Variants in TNRC6B observed in about 807,000 individuals in gnomAD.
TNRC6B encodes trinucleotide repeat-containing gene 6B protein.
TNRC6B carries 52 observed loss-of-function variants against 203.6 expected under a neutral mutation model. That is an observed-to-expected ratio of 0.26 (90% confidence interval 0.20 to 0.32). TNRC6B has a LOEUF of 0.32. Ranked by LOEUF, TNRC6B falls within the 10% of genes least tolerant of loss-of-function variation. TNRC6B has a pLI of 1.00. For synonymous variants in TNRC6B, 838 were observed against 845.7 expected (o/e 0.99, Z 0.16); for missense variants, 1,923 against 2,286.2 (o/e 0.84, Z 3.24).
chr22:40,103,220 C>T (rs1284696695), intron 1 of TNRC6B, among the ~76,000 whole-genome samples: 1 of 151,364 alleles, frequency 6.6e-6, no homozygotes, highest in African/African-American at 2.4e-5. Flanking sequence ...GTGAGCTCTG[C>T]TCGTGCCACT....
chr22:40,237,676 G>A (rs2069966197), intron 1 of TNRC6B, among the ~76,000 whole-genome samples: 1 of 152,008 alleles, frequency 6.6e-6, no homozygotes, highest in Non-Finnish European at 1.5e-5. Context: ...CCCATCTTAG[G>A]CCCTGGGACT....
chr22:40,050,480 C>T (rs1326050049), intron 1 of TNRC6B, among the ~76,000 whole-genome samples: 1 of 152,182 alleles, frequency 6.6e-6, no homozygotes, highest in East Asian at 1.9e-4. Flanking sequence ...CTGCACCACT[C>T]TCTTGGCTTG....
chr22:40,306,208 G>A (rs140919722), intron 15 of TNRC6B, among the ~76,000 whole-genome samples: 76 of 152,238 alleles, frequency 5.0e-4, no homozygotes, highest in African/African-American at 1.6e-3. Flanking sequence ...CAGGAAAATC[G>A]CTTGAACCCA....
intron 3 of TNRC6B, among the ~76,000 whole-genome samples, chr22:40,145,402 C>A (rs981631271): frequency 5.9e-5 from 9 of 152,084 alleles, no homozygotes; most frequent in Non-Finnish European, 1.0e-4. Context: ...AATATTGATT[C>A]TTTTATCCAC....
At chr22:40,075,811 TCTTTAA>T (rs1479825333) in intron 1 of TNRC6B, among the ~76,000 whole-genome samples, 1 of 152,232 alleles carries the variant, frequency 6.6e-6, no homozygotes, top group African/African-American at 2.4e-5. Context: ...AAAATATGCA[TCTTTAA>T]CTTATGCAGT....
chr22:40,055,770 T>C (rs1005561040), intron 1 of TNRC6B, among the ~76,000 whole-genome samples: 1 of 152,170 alleles, frequency 6.6e-6, no homozygotes, highest in Non-Finnish European at 1.5e-5. Context: ...GGAAGTGACT[T>C]CTAGATCACC....
chr22:40,234,355 C>T (rs1343475822), intron 1 of TNRC6B, among the ~76,000 whole-genome samples: 1 of 152,062 alleles, frequency 6.6e-6, no homozygotes, highest in Non-Finnish European at 1.5e-5. Flanking sequence ...AATAATGAGG[C>T]GAATGCTTGA....
chr22:40,321,366 C>G (rs2071331869), intron 22 of TNRC6B, 137 bp downstream of exon 22: 1 of 1,084,640 alleles, frequency 9.2e-7, no homozygotes, highest in Non-Finnish European at 1.3e-6. Context: ...CTGCAAGTCT[C>G]GAGTGTGGAG....
chr22:40,292,985 A>G (rs1357742551), intron 12 of TNRC6B, among the ~76,000 whole-genome samples: 1 of 152,060 alleles, frequency 6.6e-6, no homozygotes, highest in Non-Finnish European at 1.5e-5. Flanking sequence ...TATAGTATAG[A>G]GCCTCCTTCT....
At chr22:40,187,683 G>A (rs991463852) in intron 1 of TNRC6B, among the ~76,000 whole-genome samples, 1 of 152,106 alleles carries the variant, frequency 6.6e-6, no homozygotes, top group Admixed American at 6.5e-5. Context: ...GGTGCCACCA[G>A]GCTAATTATG....
intron 11 of TNRC6B, among the ~76,000 whole-genome samples, chr22:40,283,682 C>G (rs988246798): frequency 3.9e-5 from 6 of 152,024 alleles, no homozygotes; most frequent in Non-Finnish European, 4.4e-5. Context: ...TATCATAGTG[C>G]TTTGTGTGGC....
intron 1 of TNRC6B, among the ~76,000 whole-genome samples, chr22:40,061,231 T>G (rs1012661143): frequency 3.9e-5 from 6 of 152,200 alleles, no homozygotes; most frequent in Non-Finnish European, 8.8e-5. Flanking sequence ...TATTATTATT[T>G]GAGACGGAGT....
Position 40,278,025 on chromosome 22 carries a change from C to T in TNRC6B, c.3243C>T (p.Ser1081=), listed in dbSNP as rs940008328. 1.9e-6 allele frequency: 3 copies of T among 1,562,690 alleles called. No individual in the cohort carries two copies. The highest frequency in any genetic ancestry group is 2.6e-6 in the Non-Finnish European group (3 of 1,151,248). The change falls in exon 9 of 23, where the codon AGC becomes AGT. Residue 1081 remains serine, a synonymous_variant. Coordinates refer to ENST00000454349, the MANE Select transcript of TNRC6B (RefSeq NM_001162501.2). ...LLSQTEDNPS[S]KMDLSVGSLS... is the part of the protein sequence containing the mutation. ...GTCAGACTGAAGATAATCCAAGCAG[C>T]AAAATGGATTTGTCTGTAGGTGTGT...
chr22:40,265,923 A>G lies in TNRC6B; in HGVS notation c.1693A>G (p.Thr565Ala). 6.2e-7 allele frequency: 1 copy of G among 1,614,022 alleles called. No individual in the cohort carries two copies. The highest frequency in any genetic ancestry group is 2.2e-5 in the East Asian group (1 of 44,888). Reference protein sequence around the residue: ...APCWGRSSSSTGSEVGGQSTG... With the variant: ...APCWGRSSSSAGSEVGGQSTG... Reference sequence around the variant, plus strand: ...CTGTTGGGGAAGATCTTCCAGCTCCACAGGAAGTGAAGTTGGAGGTCAAAG... The same window carrying G: ...CTGTTGGGGAAGATCTTCCAGCTCCGCAGGAAGTGAAGTTGGAGGTCAAAG... Residue 565 changes from threonine to alanine, a missense_variant, in exon 5 of 23, where the codon ACA (threonine) becomes GCA (alanine). By Grantham distance (58) the Thr-to-Ala change is moderately conservative (BLOSUM62 0). Coordinates refer to ENST00000454349, the MANE Select transcript of TNRC6B (RefSeq NM_001162501.2).
chr22:40,225,662 G>C (rs140929456), intron 1 of TNRC6B, among the ~76,000 whole-genome samples: 90 of 141,096 alleles, frequency 6.4e-4, no homozygotes, highest in African/African-American at 2.2e-3. Context: ...AGAATCGCTT[G>C]AACTTGGGAG....
chr22:40,208,128 A>C lies in TNRC6B; in HGVS notation c.5+29988A>C, dbSNP rs552014625. On this transcript the variant is annotated intron_variant, in intron 1 of 22. Transcript: ENST00000454349. ...CTCCATCTCAAAAAAAAAAAAAAAA[A>C]AAAACAAAAAAACAAGAAAAAAACA... is the stretch of plus-strand genomic sequence containing the variant. Among the ~76,000 whole-genome samples, 76 of 107,300 alleles carry C rather than the reference A, an allele frequency of 7.1e-4. No individual in the cohort carries two copies. The South Asian group carries it at 0.013, about 19-fold the overall frequency. The allele number at this position is 107,300 out of a possible 152,430, so 70.4% of individuals were successfully genotyped here. A position where few individuals can be genotyped will look rare whatever the true frequency, so the allele number is the denominator to read the frequency against.
intron 1 of TNRC6B, among the ~76,000 whole-genome samples, chr22:40,222,622 A>C (rs1477628547): frequency 6.6e-6 from 1 of 151,338 alleles, no homozygotes; most frequent in Admixed American, 6.6e-5. Flanking sequence ...TTTTATTTAA[A>C]TTCGAGATAA....
At chr22:40,226,641 C>A (rs1345139022) in intron 1 of TNRC6B, among the ~76,000 whole-genome samples, 1 of 152,168 alleles carries the variant, frequency 6.6e-6, no homozygotes, top group African/African-American at 2.4e-5. Flanking sequence ...ATGCATCCTC[C>A]TAGAGTTGAG....
chr22:40,194,183 G>A (rs942673000), intron 1 of TNRC6B, among the ~76,000 whole-genome samples: 3 of 152,198 alleles, frequency 2.0e-5, no homozygotes, highest in Admixed American at 6.5e-5. Context: ...AGAAGAAGGA[G>A]TCTGGGTTGG....
Sources: gnomAD v4.1 joint callset for allele counts (sites outside exome capture counted in the v4.1 genomes callset) on GRCh38, gnomAD v4.1.1 for gene constraint, MANE v1.5 for transcripts, NCBI Gene and HGNC (gene_info 2026-07-23, HGNC 2026-07-21) for gene names.